Variants in UBAC2 observed in about 807,000 individuals in gnomAD.
The protein encoded by UBAC2 is UBA domain containing 2.
In UBAC2, 26 loss-of-function variants were observed where a neutral mutation model predicts 44.0. That is an observed-to-expected ratio of 0.59 (90% CI 0.43 to 0.82). UBAC2 has a LOEUF of 0.82. UBAC2 is among the 40% of genes least tolerant of loss of function. The pLI is 0.00. For synonymous variants in UBAC2, 155 were observed against 154.3 expected, an observed-to-expected ratio of 1.00 and a Z score of -0.04; for missense variants, 329 against 419.4, an observed-to-expected ratio of 0.78 and a Z score of 1.88.
chr13:99,266,566 A>T (rs1046255669), intron 4 of UBAC2, among the ~76,000 whole-genome samples: 1 of 152,118 alleles, frequency 6.6e-6, no homozygotes, highest in Admixed American at 6.5e-5. Context: ...TCTCTGTAGG[A>T]CTATGTGTAT....
At chr13:99,377,084 T>A (rs1483528758) in intron 8 of UBAC2, 1 of 152,380 alleles carries the variant, frequency 6.6e-6, no homozygotes, top group Non-Finnish European at 1.5e-5. Context: ...GCATTCTCAT[T>A]TTGTCCTCCA....
intron 6 of UBAC2, among the ~76,000 whole-genome samples, chr13:99,336,390 A>G (rs1360791387): frequency 6.6e-6 from 1 of 152,180 alleles, no homozygotes; most frequent in Non-Finnish European, 1.5e-5. Flanking sequence ...TTCTTAATTT[A>G]AAATATTTTG....
At chr13:99,356,947 C>A (rs1346586453) in intron 7 of UBAC2, among the ~76,000 whole-genome samples, 1 of 152,168 alleles carries the variant, frequency 6.6e-6, no homozygotes, top group East Asian at 1.9e-4. Context: ...TGGTTTTTCC[C>A]CAGTTTTGCC....
Position 99,296,023 on chromosome 13 carries a change from G to A in UBAC2, c.390-18074G>A, listed in dbSNP as rs1437964735. 4 of 1,613,862 alleles carry A rather than the reference G, an allele frequency of 2.5e-6. No homozygotes were observed. In the Admixed American group the frequency reaches 6.7e-5, roughly 27 times the overall value. On this transcript the variant is annotated intron_variant, in intron 4 of 8. Coordinates refer to ENST00000403766, the MANE Select transcript of UBAC2 (RefSeq NM_001144072.2). ...AGTTTCCCACGAGCCCAATGATGAA[G>A]ACGAGGCTGTAATGCAGAGGCATTA...
chr13:99,358,506 T>A (rs963325035), intron 7 of UBAC2, among the ~76,000 whole-genome samples: 6 of 152,206 alleles, frequency 3.9e-5, no homozygotes, highest in Non-Finnish European at 8.8e-5. Flanking sequence ...AACATGGTTA[T>A]TTTTTATTTC....
chr13:99,236,891 G>C (rs146919028), intron 1 of UBAC2, among the ~76,000 whole-genome samples: 2 of 152,178 alleles, frequency 1.3e-5, no homozygotes, highest in East Asian at 3.9e-4. Flanking sequence ...GGCTGGCCAG[G>C]ATGTGGAGAA....
intron 1 of UBAC2, chr13:99,201,710 G>T (rs1201700437): frequency 8.8e-6 from 7 of 797,524 alleles, no homozygotes; most frequent in Non-Finnish European, 1.4e-5. Flanking sequence ...GCAATTGCTT[G>T]TCACTGTTCA....
intron 4 of UBAC2, among the ~76,000 whole-genome samples, chr13:99,247,690 CAT>C (rs2043404527): frequency 6.6e-6 from 1 of 152,128 alleles, no homozygotes; most frequent in African/African-American, 2.4e-5. Context: ...CACCATGGCA[CAT>C]ATATACCTCT....
At chr13:99,349,207 C>CGGT (rs2045039376) in intron 7 of UBAC2, among the ~76,000 whole-genome samples, 1 of 152,298 alleles carries the variant, frequency 6.6e-6, no homozygotes, top group East Asian at 1.9e-4. Flanking sequence ...CACAGCTTCA[C>CGGT]GGTGCATGTC....
chr13:99,268,584 C>T (rs2043773704), intron 4 of UBAC2, among the ~76,000 whole-genome samples: 1 of 131,582 alleles, frequency 7.6e-6, no homozygotes, highest in African/African-American at 3.1e-5. Flanking sequence ...CTCCATTCAG[C>T]CTGGGCTACA....
chr13:99,275,057 G>A (rs2043865377), intron 4 of UBAC2, among the ~76,000 whole-genome samples: 1 of 152,144 alleles, frequency 6.6e-6, no homozygotes, highest in African/African-American at 2.4e-5. Flanking sequence ...ATATATGTAT[G>A]CATTTCTGCT....
intron 8 of UBAC2, among the ~76,000 whole-genome samples, chr13:99,376,296 G>A (rs934027026): frequency 4.6e-5 from 7 of 152,232 alleles, no homozygotes; most frequent in Non-Finnish European, 1.0e-4. Flanking sequence ...ATGTGGAAGT[G>A]TCACACCAGG....
Position 99,381,643 on chromosome 13 carries a change from C to T in UBAC2, c.928-3585C>T, listed in dbSNP as rs2045553595. Reference sequence around the variant, plus strand: ...AATGGTCCTTAACTGGAGGGAACATCATACAGGTTATTTCCACCCAAGATT... The same window carrying T: ...AATGGTCCTTAACTGGAGGGAACATTATACAGGTTATTTCCACCCAAGATT... On this transcript the variant is annotated intron_variant, in intron 8 of 8. Transcript: ENST00000403766. 3.9e-5 allele frequency among the ~76,000 whole-genome samples: 6 copies of T among 152,304 alleles called. No individual in the cohort carries two copies. The South Asian group carries it at 1.2e-3, about 32-fold the overall frequency.
rs368551471 is a variant in UBAC2, at chr13:99,312,965, AT to A, written c.390-1123del. On this transcript the variant is annotated intron_variant, in intron 4 of 8. Coordinates refer to ENST00000403766, the MANE Select transcript of UBAC2 (RefSeq NM_001144072.2). ...GAAGGGTTTTTTTGTTTTGTTTTTT[AT>A]TTTTTTTTGTTTTTGTTTGTTTGTT... 7.6e-3 allele frequency: 1,144 copies of A among 149,960 alleles called. 11 individuals carry two copies. Among genetic ancestry groups the A allele is most frequent in the South Asian group, 0.056 (265 of 4,692 alleles). 9.3% of individuals were successfully genotyped at this position (149,960 alleles called of 1,614,324 possible). A position where few individuals can be genotyped will look rare whatever the true frequency, so the allele number is the denominator to read the frequency against.
chr13:99,326,187 C>T (rs762667621), intron 6 of UBAC2, among the ~76,000 whole-genome samples: 2 of 152,224 alleles, frequency 1.3e-5, no homozygotes, highest in African/African-American at 2.4e-5. Flanking sequence ...CACATCCTAA[C>T]CAACACTTGT....
chr13:99,342,368 A>G (rs552325011), intron 7 of UBAC2, among the ~76,000 whole-genome samples: 1 of 152,258 alleles, frequency 6.6e-6, no homozygotes, highest in Admixed American at 6.5e-5. Flanking sequence ...TCAGCGTGTG[A>G]ATTTGGGGCA....
chr13:99,256,571 A>G (rs529317559), intron 4 of UBAC2: 7 of 152,154 alleles, frequency 4.6e-5, no homozygotes, highest in Non-Finnish European at 7.3e-5. Flanking sequence ...TTCCATCTAG[A>G]TTCAGAAGCT....
chr13:99,247,922 A>G (rs1410847002), intron 4 of UBAC2, among the ~76,000 whole-genome samples: 1 of 150,156 alleles, frequency 6.7e-6, no homozygotes, highest in Non-Finnish European at 1.5e-5. Context: ...TATAAAGGTC[A>G]CCAGTGGCCA....
chr13:99,296,124 T>G, intron 4 of UBAC2: 2 of 1,601,956 alleles, frequency 1.2e-6, no homozygotes. Context: ...GGAGTAAAAT[T>G]GTTTGCCATT....
Sources: allele counts gnomAD v4.1 joint callset (sites outside exome capture counted in the v4.1 genomes callset), GRCh38; gene constraint gnomAD v4.1.1; transcripts MANE v1.5; gene names NCBI Gene and HGNC (gene_info 2026-07-23, HGNC 2026-07-21).